RABGAP1: variants seen among roughly 807,000 people sequenced by gnomAD.
RABGAP1 encodes the protein RAB GTPase activating protein 1, also known as rab GTPase-activating protein 1.
In RABGAP1, 23 loss-of-function variants were observed where a neutral mutation model predicts 137.6. That is an observed-to-expected ratio of 0.17 (90% CI 0.12 to 0.24). The LOEUF (loss-of-function observed/expected upper bound fraction) is 0.24. RABGAP1 is among the 10% of genes least tolerant of loss of function. The pLI is 1.00. For synonymous variants in RABGAP1, 451 were observed against 450.7 expected, an observed-to-expected ratio of 1.00 and a Z score of -0.01; for missense variants, 906 against 1,275.8, an observed-to-expected ratio of 0.71 and a Z score of 4.42.
chr9:123,076,395 G>T, intron 18 of RABGAP1, 109 bp downstream of exon 18: 2 of 1,285,174 alleles, frequency 1.6e-6, no homozygotes. Flanking sequence ...CATTACCCAT[G>T]ACAGTGGATG....
Position 122,998,665 on chromosome 9 carries a change from C to G in RABGAP1, c.1273C>G (p.Leu425Val), listed in dbSNP as rs775293547. 1 of 1,611,956 alleles carries G rather than the reference C, an allele frequency of 6.2e-7. No homozygotes were observed. The highest frequency in any genetic ancestry group is 8.5e-7 in the Non-Finnish European group (1 of 1,178,092). ...AGAAGTACAGGAGCCTGTTCGATTTCTCCTGGAGACAAAAGTCCGCGTTTG... is the reference window on the plus strand; with the variant it reads ...AGAAGTACAGGAGCCTGTTCGATTTGTCCTGGAGACAAAAGTCCGCGTTTG... ...ITEVQEPVRF[L>V]LETKVRVCSP... The change falls in exon 10 of 26, where the codon CTC becomes GTC. Residue 425 changes from leucine to valine, a missense_variant. Leu to Val is a conservative substitution (Grantham distance 32). This residue lies in a region of RABGAP1 where 212 missense variants were observed against 289.4 expected (regional missense o/e 0.73). Transcript: ENST00000373647.
chr9:123,102,676 TTCCTTG>T (rs1345821588), intron 25 of RABGAP1, among the ~76,000 whole-genome samples: 1 of 152,068 alleles, frequency 6.6e-6, no homozygotes, highest in Non-Finnish European at 1.5e-5. Context: ...CAGGAGTTCT[TTCCTTG>T]CAGTAGGGGA....
At chr9:123,081,086 C>T (rs1372868469) in intron 19 of RABGAP1, among the ~76,000 whole-genome samples, 1 of 152,202 alleles carries the variant, frequency 6.6e-6, no homozygotes, top group Non-Finnish European at 1.5e-5. Flanking sequence ...TATGATGATC[C>T]ACTTCCACTT....
At chr9:122,974,920 G>A (rs1287704294) in intron 2 of RABGAP1, among the ~76,000 whole-genome samples, 3 of 152,234 alleles carry the variant, frequency 2.0e-5, no homozygotes, top group African/African-American at 4.8e-5. Flanking sequence ...CACAGAATGA[G>A]TGTGTAAGCA....
At chr9:123,055,949 G>A (rs1162135177) in intron 13 of RABGAP1, among the ~76,000 whole-genome samples, 2 of 152,124 alleles carry the variant, frequency 1.3e-5, no homozygotes, top group Non-Finnish European at 2.9e-5. Flanking sequence ...CGTCCCTTTG[G>A]CATACCCCTA....
intron 2 of RABGAP1, among the ~76,000 whole-genome samples, chr9:122,961,039 T>A (rs1289656962): frequency 2.0e-5 from 3 of 151,902 alleles, no homozygotes; most frequent in Non-Finnish European, 4.4e-5. Flanking sequence ...AACTATTAAG[T>A]GTACCAACAT....
chr9:123,016,195 AG>A (rs1244266839), intron 12 of RABGAP1, among the ~76,000 whole-genome samples: 4 of 152,230 alleles, frequency 2.6e-5, no homozygotes, highest in Admixed American at 1.3e-4. Flanking sequence ...ACTATCCTAT[AG>A]GCTATCTAAA....
chr9:122,932,862 GTGT>G, the RABGAP1 span, among the ~76,000 whole-genome samples: 322 of 152,308 alleles, frequency 2.1e-3, 4 homozygotes, highest in Non-Finnish European at 5.0e-4. Flanking sequence ...GTTGTTAAGA[GTGT>G]TGTTTAACTT....
intron 19 of RABGAP1, among the ~76,000 whole-genome samples, chr9:123,087,196 A>C (rs1212946786): frequency 6.6e-6 from 1 of 152,364 alleles, no homozygotes; most frequent in East Asian, 1.9e-4. Flanking sequence ...AGGGTTAATG[A>C]AATATAGAAG....
chr9:123,047,063 GTGCTTAGAAAATAGGAGTT>G (rs2033237582), intron 13 of RABGAP1, among the ~76,000 whole-genome samples: 1 of 152,178 alleles, frequency 6.6e-6, no homozygotes, highest in Non-Finnish European at 1.5e-5. Context: ...CATTTGTCAA[GTGCTTAGAAAATAGGAGTT>G]TTCAGCAGGT....
intron 1 of RABGAP1, among the ~76,000 whole-genome samples, chr9:122,944,608 C>G (rs761435242): frequency 1.3e-5 from 2 of 150,630 alleles, no homozygotes; most frequent in Non-Finnish European, 3.0e-5. Context: ...CTCACTGCAT[C>G]CTCCCAGGCT....
intron 3 of RABGAP1, 30 bp from the exon 4 acceptor site, chr9:122,986,185 A>C (rs894391795): frequency 7.0e-6 from 11 of 1,580,382 alleles, no homozygotes; most frequent in Non-Finnish European, 9.5e-6. Context: ...AAGTGAAAGT[A>C]ATCACTTCCT....
chr9:123,077,610 CATTGTATTGTATT>C (rs1401982047), intron 19 of RABGAP1, among the ~76,000 whole-genome samples: 2 of 91,306 alleles, frequency 2.2e-5, no homozygotes, highest in African/African-American at 8.3e-5. Flanking sequence ...GTTATCATAA[CATTGTATTGTATT>C]GTATTGTATT....
At chr9:122,956,102 G>T (rs1021567594) in intron 1 of RABGAP1, among the ~76,000 whole-genome samples, 1 of 152,106 alleles carries the variant, frequency 6.6e-6, no homozygotes, top group East Asian at 1.9e-4. Flanking sequence ...GGAATTTTTG[G>T]TATGAAACCC....
intron 25 of RABGAP1, 60 bp downstream of exon 25, chr9:123,101,823 G>T: frequency 6.8e-7 from 1 of 1,468,786 alleles, no homozygotes; most frequent in Admixed American, 2.5e-5. Context: ...GTGCACTAGA[G>T]ACCCCAGAAA....
At chr9:123,058,782 A>T (rs1284070686) in intron 13 of RABGAP1, among the ~76,000 whole-genome samples, 3 of 152,244 alleles carry the variant, frequency 2.0e-5, no homozygotes, top group African/African-American at 7.2e-5. Flanking sequence ...AAATATAAAC[A>T]CAAGGAAGAG....
chr9:122,935,601 A>G, the RABGAP1 span, among the ~76,000 whole-genome samples: 2 of 152,234 alleles, frequency 1.3e-5, no homozygotes, highest in South Asian at 2.1e-4. Flanking sequence ...TCGGCCTCCC[A>G]AAATGCTGGG....
intron 19 of RABGAP1, among the ~76,000 whole-genome samples, chr9:123,077,537 T>C (rs1289428852): frequency 6.6e-6 from 1 of 152,196 alleles, no homozygotes; most frequent in East Asian, 1.9e-4. Flanking sequence ...TCACTTCAAG[T>C]GGCATTTGTG....
At chr9:123,049,652 A>G (rs1240902664) in intron 13 of RABGAP1, among the ~76,000 whole-genome samples, 2 of 152,210 alleles carry the variant, frequency 1.3e-5, no homozygotes, top group Non-Finnish European at 2.9e-5. Context: ...GATGTTCATA[A>G]CATTCAGGAG....
Sources: allele counts gnomAD v4.1 joint callset (sites outside exome capture counted in the v4.1 genomes callset), GRCh38; gene constraint gnomAD v4.1.1; regional missense constraint gnomAD v4.1.1; transcripts MANE v1.5; gene names NCBI Gene and HGNC (gene_info 2026-07-23, HGNC 2026-07-21).